The following PALLD variants were observed in gnomAD, a reference collection of about 807,000 sequenced individuals.
PALLD encodes the protein palladin, cytoskeletal associated protein.
PALLD carries 61 observed loss-of-function variants against 123.5 expected under a neutral mutation model. The observed-to-expected ratio is 0.49, with a 90% CI of 0.40 to 0.61. The LOEUF is 0.61. Among genes scored for constraint, PALLD ranks in the 20% least tolerant of loss-of-function variants. The pLI is 0.00. For synonymous variants in PALLD, 465 were observed against 496.4 expected, an observed-to-expected ratio of 0.94 and a Z score of 0.84; for missense variants, 1,273 against 1,377.0, an observed-to-expected ratio of 0.92 and a Z score of 1.20.
At chr4:168,581,088 C>T (rs1770221210) in intron 2 of PALLD, among the ~76,000 whole-genome samples, 1 of 151,766 alleles carries the variant, frequency 6.6e-6, no homozygotes, top group Non-Finnish European at 1.5e-5. Flanking sequence ...ACAAGTTTAC[C>T]TATATTACAA....
intron 3 of PALLD, among the ~76,000 whole-genome samples, chr4:168,672,370 G>A (rs1041595306): frequency 1.3e-5 from 2 of 151,900 alleles, no homozygotes; most frequent in Non-Finnish European, 2.9e-5. Flanking sequence ...CTGTAATTTT[G>A]TATCCTTTGA....
At chr4:168,831,393 A>G (rs1581679809) in intron 10 of PALLD, among the ~76,000 whole-genome samples, 1 of 152,180 alleles carries the variant, frequency 6.6e-6, no homozygotes, top group Admixed American at 6.5e-5. Flanking sequence ...AGATGTTGCT[A>G]GATCAAATGC....
chr4:168,738,915 A>G (rs537516091), intron 10 of PALLD, among the ~76,000 whole-genome samples: 1 of 152,160 alleles, frequency 6.6e-6, no homozygotes, highest in Non-Finnish European at 1.5e-5. Flanking sequence ...TCTTAGAAAT[A>G]AAAGGAAAAG....
intron 2 of PALLD, among the ~76,000 whole-genome samples, chr4:168,570,515 A>C (rs983068666): frequency 6.6e-6 from 1 of 152,214 alleles, no homozygotes; most frequent in Admixed American, 6.5e-5. Context: ...AAAAACCAAA[A>C]TGCTCTGTGG....
At chr4:168,558,248 G>T (rs962088934) in intron 2 of PALLD, among the ~76,000 whole-genome samples, 1 of 152,164 alleles carries the variant, frequency 6.6e-6, no homozygotes, top group Non-Finnish European at 1.5e-5. Flanking sequence ...GAAAACCAGT[G>T]CTGGCAGATC....
At chr4:168,606,838 C>T (rs1026589101) in intron 2 of PALLD, among the ~76,000 whole-genome samples, 2 of 152,090 alleles carry the variant, frequency 1.3e-5, no homozygotes, top group Non-Finnish European at 1.5e-5. Context: ...CCCATGAATA[C>T]ACTGAGGGCC....
intron 16 of PALLD, among the ~76,000 whole-genome samples, chr4:168,915,161 A>G (rs1257286695): frequency 6.6e-6 from 1 of 152,172 alleles, no homozygotes; most frequent in Admixed American, 6.5e-5. Flanking sequence ...TTAGCCTAGT[A>G]TGCTTCTTTC....
At chr4:168,623,817 A>T (rs1774992366) in intron 2 of PALLD, among the ~76,000 whole-genome samples, 1 of 152,248 alleles carries the variant, frequency 6.6e-6, no homozygotes, top group African/African-American at 2.4e-5. Flanking sequence ...AATTATGAAT[A>T]CACATTCATC....
chr4:168,844,225 TG>T lies in PALLD; in HGVS notation c.1965-46696del, dbSNP rs1746468487. The T allele has an allele frequency of 6.6e-6, 1 of 152,254 alleles. No homozygotes were observed. The highest frequency in any genetic ancestry group is 2.4e-5 in the African/African-American group (1 of 41,472). 9.4% of individuals were successfully genotyped at this position (152,254 alleles called of 1,614,324 possible). Reference sequence around the variant, plus strand: ...ATAACCTGTAAAAGATTAAAAACCATGATTGAGTGTGCCTAGAAATAAAGAC... The same window carrying T: ...ATAACCTGTAAAAGATTAAAAACCATATTGAGTGTGCCTAGAAATAAAGAC... On this transcript the variant is annotated intron_variant, in intron 10 of 21. Coordinates refer to ENST00000505667, the MANE Select transcript of PALLD (RefSeq NM_001166108.2). The surrounding 1 kb of genome is among the most constrained non-coding windows in gnomAD (Gnocchi z 4.5).
chr4:168,758,900 C>T (rs1274716343), intron 10 of PALLD, among the ~76,000 whole-genome samples: 3 of 151,752 alleles, frequency 2.0e-5, no homozygotes, highest in Non-Finnish European at 4.4e-5. Flanking sequence ...CAAGGCTGGG[C>T]ATGGTGGCTC....
intron 10 of PALLD, among the ~76,000 whole-genome samples, chr4:168,797,601 C>G (rs903046537): frequency 6.6e-6 from 1 of 152,064 alleles, no homozygotes; most frequent in Non-Finnish European, 1.5e-5. Flanking sequence ...AATTTATATT[C>G]TCAACTTTAC....
intron 2 of PALLD, among the ~76,000 whole-genome samples, chr4:168,664,083 G>A (rs1024324537): frequency 6.6e-6 from 1 of 152,178 alleles, no homozygotes; most frequent in Non-Finnish European, 1.5e-5. Flanking sequence ...CCCTGGGAAG[G>A]CCTGCAGCAA....
chr4:168,810,162 G>A (rs554475152), intron 10 of PALLD, among the ~76,000 whole-genome samples: 16 of 152,174 alleles, frequency 1.1e-4, no homozygotes, highest in African/African-American at 3.6e-4. Context: ...AGGTTGAGAG[G>A]AGGACGGGAA....
At chr4:168,708,966 A>G (rs1235778816) in intron 8 of PALLD, 62 bp from the exon 9 acceptor site, 7 of 1,521,978 alleles carry the variant, frequency 4.6e-6, no homozygotes, top group Non-Finnish European at 6.4e-6. Context: ...GGAGGGTCTC[A>G]CTTCTTAAAA....
intron 10 of PALLD, among the ~76,000 whole-genome samples, chr4:168,734,104 G>A (rs771450608): frequency 6.6e-5 from 10 of 152,124 alleles, no homozygotes; most frequent in Admixed American, 2.0e-4. Flanking sequence ...ATATCGGTTT[G>A]ATACTTAGAA....
In PALLD at chr4:168,667,162, A is replaced by G. The variant is rs963018777; in HGVS notation, c.909-1028A>G. 5.9e-5 allele frequency among the ~76,000 whole-genome samples: 9 copies of G among 152,064 alleles called. 1 individual carries two copies. On this transcript the variant is annotated intron_variant, in intron 2 of 21. Coordinates refer to ENST00000505667, the MANE Select transcript of PALLD (RefSeq NM_001166108.2). ...TATTTTCAAATTAAATTAGACAAAA[A>G]CCTGTATTATTCTACTCTAAATACA...
intron 14 of PALLD, 125 bp downstream of exon 14, chr4:168,898,839 G>A (rs760889113): frequency 1.9e-4 from 140 of 745,358 alleles, no homozygotes; most frequent in Non-Finnish European, 3.1e-4. Flanking sequence ...GATATAAAGG[G>A]TTTTAAATAT....
intron 10 of PALLD, among the ~76,000 whole-genome samples, chr4:168,859,194 A>G (rs541810027): frequency 1.1e-4 from 17 of 152,288 alleles, no homozygotes; most frequent in African/African-American, 4.1e-4. Flanking sequence ...TCCACCCCAC[A>G]GCCTGCTATC....
chr4:168,556,605 C>T (rs192615873), intron 2 of PALLD, among the ~76,000 whole-genome samples: 4 of 152,276 alleles, frequency 2.6e-5, no homozygotes, highest in Admixed American at 2.6e-4. Context: ...TCAAACTATC[C>T]ATCCCCACAC....
Sources: gnomAD v4.1 joint callset for allele counts (sites outside exome capture counted in the v4.1 genomes callset) on GRCh38, gnomAD v4.1.1 for gene constraint, Gnocchi (gnomAD v3.1) non-coding constraint, MANE v1.5 for transcripts, NCBI Gene and HGNC (gene_info 2026-07-23, HGNC 2026-07-21) for gene names.